The following RGS6 variants were observed in gnomAD, a reference collection of about 807,000 sequenced individuals.
RGS6 encodes the protein regulator of G-protein signaling 6.
Under a neutral mutation model 78.5 loss-of-function variants are expected in RGS6, and 30 were observed. That is an observed-to-expected ratio of 0.38 (90% CI 0.29 to 0.52). RGS6 has a LOEUF of 0.52. Among genes scored for constraint, RGS6 ranks in the 20% least tolerant of loss-of-function variants. The pLI is 0.85. For synonymous variants in RGS6, 206 were observed against 206.0 expected (o/e 1.00, Z 0.00); for missense variants, 495 against 609.7 (o/e 0.81, Z 1.98).
intron 7 of RGS6, among the ~76,000 whole-genome samples, chr14:72,469,137 A>G (rs553647268): frequency 4.0e-5 from 6 of 151,536 alleles, no homozygotes; most frequent in Non-Finnish European, 5.9e-5. Context: ...GCAGCCCTCA[A>G]TGACTTTTCT....
At chr14:72,351,731 T>A (rs751031412) in intron 2 of RGS6, among the ~76,000 whole-genome samples, 1 of 152,316 alleles carries the variant, frequency 6.6e-6, no homozygotes, top group Admixed American at 6.5e-5. Context: ...ATATAGAAAT[T>A]TCATATGGTT....
At chr14:71,965,458 T>C (rs2093452685) in intron 2 of RGS6, among the ~76,000 whole-genome samples, 1 of 152,118 alleles carries the variant, frequency 6.6e-6, no homozygotes. Context: ...AGGATTGCTT[T>C]ATGTGGAAAG....
chr14:72,540,490 G>GAA (rs113373446), intron 17 of RGS6: 125 of 1,420,788 alleles, frequency 8.8e-5, no homozygotes, highest in Admixed American at 2.4e-4. Flanking sequence ...ATAGCTCATC[G>GAA]AAAAAAAAAA....
At chr14:71,948,848 G>A (rs1439612059) in intron 1 of RGS6, among the ~76,000 whole-genome samples, 1 of 143,282 alleles carries the variant, frequency 7.0e-6, no homozygotes, top group African/African-American at 2.6e-5. Flanking sequence ...AGCCTCTCAA[G>A]TAGCTACCAC....
At chr14:72,319,671 A>G (rs2071355900) in intron 2 of RGS6, among the ~76,000 whole-genome samples, 1 of 152,214 alleles carries the variant, frequency 6.6e-6, no homozygotes, top group South Asian at 2.1e-4. Context: ...AGATATGAAG[A>G]TGATTTTGAA....
At chr14:72,065,498 A>C (rs991111197) in intron 2 of RGS6, among the ~76,000 whole-genome samples, 3 of 152,140 alleles carry the variant, frequency 2.0e-5, no homozygotes, top group African/African-American at 7.2e-5. Flanking sequence ...GATCAGGTTC[A>C]CTCATTGTTT....
intron 2 of RGS6, among the ~76,000 whole-genome samples, chr14:72,007,279 C>T (rs1280743155): frequency 2.0e-5 from 3 of 151,904 alleles, no homozygotes; most frequent in Non-Finnish European, 2.9e-5. Context: ...CCACATGGTA[C>T]GTGATGCTAA....
chr14:72,085,274 C>A (rs1206680635), intron 2 of RGS6, among the ~76,000 whole-genome samples: 1 of 152,110 alleles, frequency 6.6e-6, no homozygotes, highest in African/African-American at 2.4e-5. Context: ...TTATTTTAAT[C>A]GTATTAGGTG....
chr14:72,592,347 G>A, the RGS6 span, among the ~76,000 whole-genome samples: 1 of 152,216 alleles, frequency 6.6e-6, no homozygotes, highest in Admixed American at 6.5e-5. Flanking sequence ...ATGCACATGG[G>A]TGCATGCTAT....
the RGS6 span, among the ~76,000 whole-genome samples, chr14:71,869,995 AC>A: frequency 6.6e-6 from 1 of 152,322 alleles, no homozygotes; most frequent in Non-Finnish European, 1.5e-5. Flanking sequence ...GTGAGCCAAT[AC>A]ATTTCTATTC....
chr14:72,427,313 T>C (rs990955415), intron 3 of RGS6, among the ~76,000 whole-genome samples: 1 of 152,246 alleles, frequency 6.6e-6, no homozygotes, highest in African/African-American at 2.4e-5. Context: ...AATAAAACTT[T>C]ATCATAGGTA....
chr14:71,956,351 G>C (rs931735742), intron 1 of RGS6, among the ~76,000 whole-genome samples: 7 of 65,812 alleles, frequency 1.1e-4, no homozygotes, highest in African/African-American at 4.7e-4. Context: ...GTGTGTGTGT[G>C]TGTGTGTATA....
At chr14:72,016,273 C>T (rs1020935175) in intron 2 of RGS6, among the ~76,000 whole-genome samples, 3 of 152,338 alleles carry the variant, frequency 2.0e-5, no homozygotes, top group Admixed American at 6.5e-5. Context: ...CCAGTTGTCT[C>T]AGTTACATGT....
intron 2 of RGS6, among the ~76,000 whole-genome samples, chr14:72,137,758 G>T (rs1293291563): frequency 6.6e-6 from 1 of 152,212 alleles, no homozygotes; most frequent in Non-Finnish European, 1.5e-5. Flanking sequence ...TACCCTTTGG[G>T]CACATGGATG....
At chr14:72,236,418 G>T (rs113073554) in intron 2 of RGS6, among the ~76,000 whole-genome samples, 2 of 152,152 alleles carry the variant, frequency 1.3e-5, no homozygotes, top group Admixed American at 1.3e-4. Flanking sequence ...TAAAATGTGC[G>T]CACAGCAACA....
chr14:71,974,205 A>G (rs1390609647), intron 2 of RGS6, among the ~76,000 whole-genome samples: 1 of 152,208 alleles, frequency 6.6e-6, no homozygotes, highest in Non-Finnish European at 1.5e-5. Context: ...AGAAAAAAAA[A>G]TAAAAGCGAA....
chr14:72,135,849 C>T (rs1481592323), intron 2 of RGS6, among the ~76,000 whole-genome samples: 2 of 151,140 alleles, frequency 1.3e-5, no homozygotes, highest in African/African-American at 4.9e-5. Context: ...CTTAAATCTA[C>T]TGTTGAAATA....
Position 72,371,415 on chromosome 14 carries a change from A to T in RGS6, c.184+19221A>T, listed in dbSNP as rs556844522. On this transcript the variant is annotated intron_variant, in intron 3 of 17. Coordinates refer to ENST00000553525, the MANE Select transcript of RGS6 (RefSeq NM_001204424.2). ...CAGGCAGTTTATTAAAAGTCAAAATATACCATACAAACCCCTAATTGTACT... is the reference window on the plus strand; with the variant it reads ...CAGGCAGTTTATTAAAAGTCAAAATTTACCATACAAACCCCTAATTGTACT... 2.0e-5 allele frequency among the ~76,000 whole-genome samples: 3 copies of T among 152,232 alleles called. No homozygotes were observed. In the East Asian group the frequency reaches 5.8e-4, roughly 29 times the overall value.
At chr14:72,121,201 G>A (rs955724794) in intron 2 of RGS6, among the ~76,000 whole-genome samples, 1 of 152,126 alleles carries the variant, frequency 6.6e-6, no homozygotes, top group Non-Finnish European at 1.5e-5. Context: ...TTAACTTGAC[G>A]ACACTGTGCT....
Sources: gnomAD v4.1 joint callset for allele counts (sites outside exome capture counted in the v4.1 genomes callset) on GRCh38, gnomAD v4.1.1 for gene constraint, MANE v1.5 for transcripts, NCBI Gene and HGNC (gene_info 2026-07-23, HGNC 2026-07-21) for gene names.